AFF3: variants seen among roughly 807,000 people sequenced by gnomAD.
AFF3 encodes the protein ALF transcription elongation factor 3.
AFF3 carries 32 observed loss-of-function variants against 129.7 expected under a neutral mutation model. The ratio of observed to expected loss-of-function variants is 0.25; its 90% CI spans 0.19 to 0.33. AFF3 has a LOEUF of 0.33. Among genes scored for constraint, AFF3 ranks in the 10% least tolerant of loss-of-function variants. The probability of loss-of-function intolerance (pLI) is 1.00; values close to 1 mark genes in which losing one functional copy is unlikely to be tolerated. For missense variants in AFF3, 1,373 were observed against 1,592.0 expected (o/e 0.86, Z 2.34); for synonymous variants, 644 against 635.4 (o/e 1.01, Z -0.20).
intron 2 of AFF3, among the ~76,000 whole-genome samples, chr2:100,122,448 G>C (rs1692017927): frequency 6.6e-6 from 1 of 152,154 alleles, no homozygotes; most frequent in South Asian, 2.1e-4. Flanking sequence ...ACATTTTGTA[G>C]ATGCAGAAAC....
At chr2:99,604,865 G>A (rs1297028917) in intron 13 of AFF3, among the ~76,000 whole-genome samples, 1 of 152,182 alleles carries the variant, frequency 6.6e-6, no homozygotes, top group Non-Finnish European at 1.5e-5. Context: ...CAAAGCCATT[G>A]GACATCATAG....
chr2:99,592,469 A>C (rs1678782182), intron 15 of AFF3, among the ~76,000 whole-genome samples: 1 of 152,200 alleles, frequency 6.6e-6, no homozygotes, highest in African/African-American at 2.4e-5. Flanking sequence ...CTCTTGGGCC[A>C]ATGAGTGATC....
At position 99,683,180 on chromosome 2, in the gene AFF3, T is replaced by C. The variant is rs1285319981; in HGVS notation, c.1092-10591A>G. 2.6e-5 allele frequency among the ~76,000 whole-genome samples: 4 copies of C among 152,330 alleles called. No individual in the cohort carries two copies. In the East Asian group the frequency reaches 5.8e-4, roughly 22 times the overall value. On this transcript the variant is annotated intron_variant, in intron 11 of 24. Coordinates refer to ENST00000672756, the MANE Select transcript of AFF3 (RefSeq NM_001386135.1). ...CTCTGCAGTCAGAAAGCCTGGTTTA[T>C]TGATTTCTATCCAGATGCTGTACCT...
At chr2:99,575,171 G>A (rs762859524) in intron 18 of AFF3, among the ~76,000 whole-genome samples, 16 of 152,116 alleles carry the variant, frequency 1.1e-4, no homozygotes, top group Non-Finnish European at 2.2e-4. Context: ...CCTGGGAGAC[G>A]TTTTGCACAA....
chr2:99,742,775 C>G (rs1395332087), intron 10 of AFF3, among the ~76,000 whole-genome samples: 1 of 152,208 alleles, frequency 6.6e-6, no homozygotes, highest in Non-Finnish European at 1.5e-5. Flanking sequence ...GATCATGCAG[C>G]TCATGCAGCT....
Position 100,009,028 on chromosome 2 carries a change from G to C in AFF3, c.54-96C>G, listed in dbSNP as rs552288236. 10 of 1,468,090 alleles carry C rather than the reference G, an allele frequency of 6.8e-6. No individual in the cohort carries two copies. The African/African-American group carries it at 1.3e-4, about 19-fold the overall frequency. The allele number at this position is 1,468,090 out of a possible 1,614,324, so 90.9% of individuals were successfully genotyped here. On this transcript the variant is annotated intron_variant, in intron 4 of 24. Coordinates refer to ENST00000672756, the MANE Select transcript of AFF3 (RefSeq NM_001386135.1). Reference sequence around the variant, plus strand: ...TGTGAGTGCAGAAGTCTGGTTCGTGGACAAATGGTGATGACAACAAGAACA... The same window carrying C: ...TGTGAGTGCAGAAGTCTGGTTCGTGCACAAATGGTGATGACAACAAGAACA...
intron 4 of AFF3, among the ~76,000 whole-genome samples, chr2:100,072,566 A>G (rs1559105699): frequency 6.6e-6 from 1 of 152,170 alleles, no homozygotes; most frequent in East Asian, 1.9e-4. Context: ...CTATACCATG[A>G]GCTAGCTGCC....
intron 7 of AFF3, among the ~76,000 whole-genome samples, chr2:99,994,379 C>T (rs1379379853): frequency 2.0e-5 from 3 of 152,116 alleles, no homozygotes; most frequent in Non-Finnish European, 4.4e-5. Context: ...AAAAGTGAGA[C>T]ACTGTCATCT....
intron 21 of AFF3, among the ~76,000 whole-genome samples, chr2:99,560,090 A>G (rs1223074418): frequency 6.6e-6 from 1 of 152,162 alleles, no homozygotes; most frequent in Non-Finnish European, 1.5e-5. Context: ...GTGAAACCCC[A>G]TCTCTACTAA....
chr2:100,021,682 T>C (rs1395068504), intron 4 of AFF3, among the ~76,000 whole-genome samples: 1 of 152,168 alleles, frequency 6.6e-6, no homozygotes, highest in East Asian at 1.9e-4. Context: ...AATAAAAGGA[T>C]ATAAATCTAA....
chr2:99,728,255 G>T (rs936619873), intron 10 of AFF3, among the ~76,000 whole-genome samples: 1 of 152,160 alleles, frequency 6.6e-6, no homozygotes, highest in Non-Finnish European at 1.5e-5. Flanking sequence ...GCGTGGGCTC[G>T]TGTGTTTCCT....
intron 4 of AFF3, among the ~76,000 whole-genome samples, chr2:100,038,550 T>C (rs1685164138): frequency 6.6e-6 from 1 of 152,188 alleles, no homozygotes; most frequent in East Asian, 1.9e-4. Flanking sequence ...GTAAAAGACA[T>C]CATGTGGCTT....
intron 13 of AFF3, among the ~76,000 whole-genome samples, chr2:99,640,732 T>C (rs1684117760): frequency 1.3e-5 from 2 of 152,198 alleles, no homozygotes; most frequent in Admixed American, 6.5e-5. Flanking sequence ...TCATTTTGTA[T>C]AAAGTACTAC....
At chr2:100,082,782 C>T (rs905899496) in intron 4 of AFF3, among the ~76,000 whole-genome samples, 1 of 152,112 alleles carries the variant, frequency 6.6e-6, no homozygotes, top group African/African-American at 2.4e-5. Flanking sequence ...GATATGCATT[C>T]CTATAAAATG....
chr2:99,854,596 G>C (rs949053299), intron 7 of AFF3, among the ~76,000 whole-genome samples: 1 of 152,174 alleles, frequency 6.6e-6, no homozygotes, highest in Non-Finnish European at 1.5e-5. Flanking sequence ...ATTAATTACA[G>C]CTCACAACCT....
At chr2:99,851,868 C>T (rs556355827) in intron 7 of AFF3, among the ~76,000 whole-genome samples, 2 of 152,284 alleles carry the variant, frequency 1.3e-5, no homozygotes, top group South Asian at 4.1e-4. Flanking sequence ...CTAGATATAG[C>T]ATAATGTAAC....
chr2:100,115,712 G>A (rs1359260995), intron 2 of AFF3, among the ~76,000 whole-genome samples: 5 of 152,020 alleles, frequency 3.3e-5, no homozygotes, highest in African/African-American at 1.2e-4. Flanking sequence ...TAAGAGGTTT[G>A]TCAGAATACC....
intron 21 of AFF3, among the ~76,000 whole-genome samples, chr2:99,559,395 A>G (rs1197789078): frequency 6.6e-6 from 1 of 152,256 alleles, no homozygotes; most frequent in African/African-American, 2.4e-5. Context: ...CAGCTCCACT[A>G]AAGTCACAAA....
At chr2:100,105,304 T>G (rs1691201926) in intron 3 of AFF3, 200 bp downstream of exon 3, 3 of 1,191,744 alleles carry the variant, frequency 2.5e-6, no homozygotes, top group Admixed American at 3.6e-5. Context: ...GAGAGTGAGC[T>G]GTGCCGCCCG....
Sources: allele counts gnomAD v4.1 joint callset (sites outside exome capture counted in the v4.1 genomes callset), GRCh38; gene constraint gnomAD v4.1.1; transcripts MANE v1.5; gene names NCBI Gene and HGNC (gene_info 2026-07-23, HGNC 2026-07-21).